The following PSMB2 variants were observed in gnomAD, a reference collection of about 807,000 sequenced individuals.
The protein encoded by PSMB2 is proteasome subunit beta type-2.
PSMB2 carries 13 observed loss-of-function variants against 25.7 expected under a neutral mutation model. That is an observed-to-expected ratio of 0.51 (90% confidence interval 0.33 to 0.80). PSMB2 has a LOEUF of 0.80. Among genes scored for constraint, PSMB2 ranks in the 30% least tolerant of loss-of-function variants. PSMB2 has a pLI of 0.02. For missense variants in PSMB2, 202 were observed against 259.0 expected, an observed-to-expected ratio of 0.78 and a Z score of 1.51; for synonymous variants, 87 against 96.2, an observed-to-expected ratio of 0.90 and a Z score of 0.56.
rs978376439 is a variant in PSMB2 at position 35,601,461 on chromosome 1, G to A, written c.*1806C>T. On this transcript the variant is annotated 3_prime_UTR_variant, in exon 6 of 6. Coordinates refer to ENST00000373237, the MANE Select transcript of PSMB2 (RefSeq NM_002794.5). ...ATGCATATTCATGGTGGTGTTGGAG[G>A]TTGAATCAACTGTAGTGACGTGAAT... 1.0e-6 allele frequency: 1 copy of A among 985,242 alleles called. No individual in the cohort carries two copies. 61.0% of individuals were successfully genotyped at this position (985,242 alleles called of 1,614,324 possible). A position where few individuals can be genotyped will look rare whatever the true frequency, so the allele number is the denominator to read the frequency against.
At chr1:35,633,907 T>C (rs1651173397) in intron 2 of PSMB2, among the ~76,000 whole-genome samples, 1 of 152,258 alleles carries the variant, frequency 6.6e-6, no homozygotes, top group Non-Finnish European at 1.5e-5. Context: ...TGCAAGTATA[T>C]TCAAATTAAC....
intron 1 of PSMB2, among the ~76,000 whole-genome samples, chr1:35,640,661 G>C (rs894748179): frequency 1.4e-5 from 2 of 147,812 alleles, no homozygotes; most frequent in Non-Finnish European, 2.9e-5. Flanking sequence ...CGGGGATCTA[G>C]AGAGCCAGTC....
chr1:35,628,631 ATTTT>A lies in PSMB2; in HGVS notation c.285+2639_285+2642del, dbSNP rs138110586. 1.5e-3 allele frequency among the ~76,000 whole-genome samples: 56 copies of A among 38,058 alleles called. 1 individual carries two copies. Among genetic ancestry groups the A allele is most frequent in the African/African-American group, 5.1e-3 (40 of 7,794 alleles). 25.0% of individuals were successfully genotyped at this position (38,058 alleles called of 152,430 possible). ...TATATATATATATATATATATATAT[ATTTT>A]TTTTTTTTTTTTTAAAGAAAAGACT... is the stretch of plus-strand genomic sequence containing the variant. On this transcript the variant is annotated intron_variant, in intron 3 of 5. Transcript: ENST00000373237.
At position 35,631,309 on chromosome 1, in the gene PSMB2, T is replaced by G; in HGVS notation, c.250A>C (p.Thr84Pro). The G allele has an allele frequency of 6.2e-7, 1 of 1,614,168 alleles. No homozygotes were observed. Among genetic ancestry groups the G allele is most frequent in the Non-Finnish European group, 8.5e-7 (1 of 1,180,006 alleles). Residue 84 changes from threonine (T) to proline (P), a missense_variant, in exon 3 of 6, where the codon ACA (threonine) becomes CCA (proline). Thr to Pro is a conservative substitution (Grantham distance 38). Transcript: ENST00000373237. ...AGACAGTCAGCCAGGTTTCGGCGTGTGAAGTTAGCTGCTGCCGTGGGAGAC... is the reference window on the plus strand; with the variant it reads ...AGACAGTCAGCCAGGTTTCGGCGTGGGAAGTTAGCTGCTGCCGTGGGAGAC... ...ELSPTAAANF[T>P]RRNLADCLRS...
chr1:35,610,082 A>C (rs1650286025), intron 3 of PSMB2, among the ~76,000 whole-genome samples: 1 of 152,234 alleles, frequency 6.6e-6, no homozygotes. Flanking sequence ...CAAATGAAAT[A>C]AACAAACTCA....
chr1:35,632,776 C>T (rs1034400100), intron 2 of PSMB2, among the ~76,000 whole-genome samples: 6 of 151,994 alleles, frequency 3.9e-5, no homozygotes, highest in Non-Finnish European at 7.4e-5. Flanking sequence ...CACCTGTTTT[C>T]CCAGGTAGTT....
intron 3 of PSMB2, among the ~76,000 whole-genome samples, chr1:35,617,198 G>A (rs934375126): frequency 6.6e-6 from 1 of 152,052 alleles, no homozygotes; most frequent in African/African-American, 2.4e-5. Flanking sequence ...ACAGGCGCAC[G>A]CCACCACGCC....
chr1:35,615,829 T>C (rs1183748122), intron 3 of PSMB2, among the ~76,000 whole-genome samples: 2 of 152,156 alleles, frequency 1.3e-5, no homozygotes, highest in Non-Finnish European at 2.9e-5. Context: ...TGCTAAGCAG[T>C]GTGTGAGGTC....
intron 4 of PSMB2, among the ~76,000 whole-genome samples, chr1:35,608,077 G>C (rs937230760): frequency 6.6e-6 from 1 of 152,132 alleles, no homozygotes; most frequent in Non-Finnish European, 1.5e-5. Context: ...TAAAAGATAC[G>C]AAATTGGCAG....
chr1:35,613,896 G>C (rs1650411612), intron 3 of PSMB2, among the ~76,000 whole-genome samples: 1 of 152,168 alleles, frequency 6.6e-6, no homozygotes, highest in Non-Finnish European at 1.5e-5. Flanking sequence ...TAATGCATGT[G>C]GATAATAAGT....
chr1:35,640,521 A>C (rs781223805), intron 1 of PSMB2, among the ~76,000 whole-genome samples: 1 of 152,208 alleles, frequency 6.6e-6, no homozygotes, highest in African/African-American at 2.4e-5. Context: ...GAAAAGAAGA[A>C]TCGGGAGCCA....
intron 3 of PSMB2, among the ~76,000 whole-genome samples, chr1:35,628,632 T>TATATATATAAA (rs1491503087): frequency 2.8e-5 from 1 of 35,484 alleles, no homozygotes; most frequent in Non-Finnish European, 5.2e-5. Flanking sequence ...TATATATATA[T>TATATATATAAA]TTTTTTTTTT....
intron 3 of PSMB2, among the ~76,000 whole-genome samples, chr1:35,627,427 G>A (rs1312536351): frequency 3.9e-5 from 6 of 152,166 alleles, no homozygotes; most frequent in Admixed American, 2.0e-4. Context: ...AAGCAGAAGC[G>A]GGAGGATTGC....
At chr1:35,622,629 T>A (rs1650722062) in intron 3 of PSMB2, among the ~76,000 whole-genome samples, 1 of 152,012 alleles carries the variant, frequency 6.6e-6, no homozygotes, top group Admixed American at 6.6e-5. Context: ...TTCCATTCAA[T>A]GAGCACGGGG....
intron 1 of PSMB2, among the ~76,000 whole-genome samples, chr1:35,638,489 G>C (rs777264431): frequency 1.3e-5 from 2 of 152,188 alleles, no homozygotes; most frequent in African/African-American, 2.4e-5. Context: ...GTTTCCAGAT[G>C]TGTGAAATGT....
rs1651392794 is a variant in PSMB2, at chr1:35,641,405, G to C, written c.28C>G (p.Pro10Ala). 1.2e-6 allele frequency: 2 copies of C among 1,614,120 alleles called. No individual in the cohort carries two copies. The highest frequency in any genetic ancestry group is 1.7e-6 in the Non-Finnish European group (2 of 1,180,022). Residue 10 changes from proline to alanine, a missense_variant, in exon 1 of 6, where the codon CCC (proline) becomes GCC (alanine). Transcript: ENST00000373237. MEYLIGIQGPDYVLVASDRV... is the reference protein window; with the variant it reads MEYLIGIQGADYVLVASDRV... Reference sequence around the variant, plus strand: ...TCGGAGGCGACAAGAACATAGTCGGGGCCTTGGATACCGATGAGGTACTCC... The same window carrying C: ...TCGGAGGCGACAAGAACATAGTCGGCGCCTTGGATACCGATGAGGTACTCC...
intron 3 of PSMB2, among the ~76,000 whole-genome samples, chr1:35,629,153 G>A (rs1160797348): frequency 6.6e-6 from 1 of 152,096 alleles, no homozygotes; most frequent in African/African-American, 2.4e-5. Context: ...AAATGCTTTG[G>A]GCAAAAGTCA....
chr1:35,628,631 A>ATTTTT (rs138110586), intron 3 of PSMB2, among the ~76,000 whole-genome samples: 7 of 38,082 alleles, frequency 1.8e-4, no homozygotes, highest in African/African-American at 5.1e-4. Context: ...ATATATATAT[A>ATTTTT]TTTTTTTTTT....
intron 3 of PSMB2, among the ~76,000 whole-genome samples, chr1:35,611,777 T>C (rs1650350315): frequency 6.6e-6 from 1 of 151,750 alleles, no homozygotes; most frequent in Non-Finnish European, 1.5e-5. Context: ...TGAGCCGAGA[T>C]AGTGCTACTG....
Sources: allele counts gnomAD v4.1 joint callset (sites outside exome capture counted in the v4.1 genomes callset), GRCh38; gene constraint gnomAD v4.1.1; transcripts MANE v1.5; gene names NCBI Gene and HGNC (gene_info 2026-07-23, HGNC 2026-07-21).